PLIN3: variants seen among roughly 807,000 people sequenced by gnomAD.
The protein encoded by PLIN3 is perilipin-3.
In PLIN3, 30 loss-of-function variants were observed where a neutral mutation model predicts 35.9. The ratio of observed to expected loss-of-function variants is 0.84; its 90% CI spans 0.62 to 1.13. The LOEUF (loss-of-function observed/expected upper bound fraction) is 1.13, where lower values mean the gene tolerates loss of function less well. Among genes scored for constraint, PLIN3 ranks in the 50% most tolerant of loss-of-function variants. The pLI, the probability that PLIN3 is intolerant of heterozygous loss-of-function variation, is 0.00. For missense variants in PLIN3, 603 were observed against 596.9 expected (o/e 1.01, Z -0.11); for synonymous variants, 261 against 262.5 (o/e 0.99, Z 0.06).
At chr19:4,842,678 G>A (rs1459147939) in intron 7 of PLIN3, among the ~76,000 whole-genome samples, 1 of 151,130 alleles carries the variant, frequency 6.6e-6, no homozygotes, top group Admixed American at 6.7e-5. Context: ...GGAGGACTCT[G>A]GACTTGAGCG....
intron 4 of PLIN3, among the ~76,000 whole-genome samples, chr19:4,857,437 G>A (rs772991866): frequency 2.6e-5 from 4 of 151,994 alleles, no homozygotes; most frequent in Non-Finnish European, 4.4e-5. Flanking sequence ...GCATGGTGGT[G>A]CATGCCTGTG....
intron 7 of PLIN3, among the ~76,000 whole-genome samples, chr19:4,839,965 C>CTTTTTT (rs1212445249): frequency 1.6e-5 from 2 of 124,412 alleles, no homozygotes; most frequent in East Asian, 2.2e-4. Flanking sequence ...GTGCCCGGCC[C>CTTTTTT]TTTTTTTTTT....
chr19:4,838,907 A>G lies in PLIN3; in HGVS notation c.*285T>C. The stretch of plus-strand genomic sequence containing the variant: ...ATATTCCTGATATTTAACAAGGAAA[A>G]AAAATTCTGCAGGGGAGAACTTTCC... On this transcript the variant is annotated 3_prime_UTR_variant, in exon 8 of 8. Transcript: ENST00000221957. 1 of 275,980 alleles carries G rather than the reference A, an allele frequency of 3.6e-6. No homozygotes were observed. The highest frequency in any genetic ancestry group is 6.8e-6 in the Non-Finnish European group (1 of 147,884). The allele number at this position is 275,980 out of a possible 1,614,324, so 17.1% of individuals were successfully genotyped here. A position where few individuals can be genotyped will look rare whatever the true frequency, so the allele number is the denominator to read the frequency against.
intron 7 of PLIN3, among the ~76,000 whole-genome samples, chr19:4,842,553 T>C (rs868550557): frequency 1.5e-5 from 2 of 130,932 alleles, no homozygotes; most frequent in South Asian, 4.9e-4. Flanking sequence ...TGAGCCGAGA[T>C]CATGACATTG....
intron 4 of PLIN3, among the ~76,000 whole-genome samples, chr19:4,854,507 G>A (rs904904780): frequency 5.9e-5 from 9 of 152,058 alleles, no homozygotes; most frequent in South Asian, 2.1e-4. Context: ...AGGTTCAAGC[G>A]GTTCTCCTGC....
chr19:4,846,083 C>T (rs1209556410), intron 6 of PLIN3, among the ~76,000 whole-genome samples: 1 of 151,832 alleles, frequency 6.6e-6, no homozygotes, highest in Non-Finnish European at 1.5e-5. Context: ...GAAAATTAGC[C>T]AGGCATGGTG....
intron 6 of PLIN3, among the ~76,000 whole-genome samples, chr19:4,846,180 C>A (rs1034175741): frequency 6.6e-6 from 1 of 151,682 alleles, no homozygotes; most frequent in Middle Eastern, 3.4e-3. Flanking sequence ...GAGCTGAGAT[C>A]GCGCCACAAA....
Position 4,859,669 on chromosome 19 carries a change from G to C in PLIN3, c.269C>G (p.Ala90Gly), listed in dbSNP as rs1308071705. The change falls in exon 4 of 8, where the codon GCA (alanine) becomes GGA (glycine). Residue 90 changes from alanine to glycine, a missense_variant. Transcript: ENST00000221957. ...PILSKLEPQI[A>G]SASEYAHRGL... ...CCTGTGGGCGTATTCGCTGGCTGATGCAACTGCCAACAACAATTAAGACGC... is the reference window on the plus strand; with the variant it reads ...CCTGTGGGCGTATTCGCTGGCTGATCCAACTGCCAACAACAATTAAGACGC... The C allele has an allele frequency of 6.2e-7, 1 of 1,614,022 alleles. No individual in the cohort carries two copies. Among genetic ancestry groups the C allele is most frequent in the Admixed American group, 1.7e-5 (1 of 59,990 alleles).
chr19:4,844,592 C>T, intron 7 of PLIN3, 76 bp downstream of exon 7: 1 of 1,415,754 alleles, frequency 7.1e-7, no homozygotes, highest in South Asian at 1.5e-5. Context: ...GCAGGTAGGC[C>T]CATGAAGCAG....
chr19:4,864,098 A>AGT lies in PLIN3; in HGVS notation c.-17-2689_-17-2688dup, dbSNP rs71170861. On this transcript the variant is annotated intron_variant, in intron 1 of 7. Coordinates refer to ENST00000221957, the MANE Select transcript of PLIN3 (RefSeq NM_005817.5). The stretch of plus-strand genomic sequence containing the variant: ...CAGGCACGCACCACCACACCTGGCT[A>AGT]GTGTGTGTGTGTGTGTGTGTGTGTG... Among the ~76,000 whole-genome samples, 585 of 125,352 alleles carry AGT rather than the reference A, an allele frequency of 4.7e-3. 2 individuals are homozygous for AGT. Among genetic ancestry groups the AGT allele is most frequent in the Non-Finnish European group, 5.4e-3 (334 of 61,906 alleles). 82.2% of individuals were successfully genotyped at this position (125,352 alleles called of 152,430 possible).
intron 4 of PLIN3, among the ~76,000 whole-genome samples, chr19:4,856,250 C>G (rs1290458569): frequency 1.3e-5 from 2 of 152,070 alleles, no homozygotes; most frequent in Admixed American, 6.6e-5. Flanking sequence ...GGACATGGAG[C>G]ACCTGAATAC....
At chr19:4,851,263 G>T (rs2030280407) in intron 5 of PLIN3, among the ~76,000 whole-genome samples, 1 of 152,028 alleles carries the variant, frequency 6.6e-6, no homozygotes, top group African/African-American at 2.4e-5. Flanking sequence ...TCAGGAGTTC[G>T]AGACCAGCCT....
intron 4 of PLIN3, among the ~76,000 whole-genome samples, chr19:4,858,091 G>C (rs932821386): frequency 6.6e-6 from 1 of 151,632 alleles, no homozygotes; most frequent in Non-Finnish European, 1.5e-5. Context: ...TGGCCAACTT[G>C]GTGAAACCCC....
At position 4,839,194 on chromosome 19, in the gene PLIN3, ACTT is replaced by A. The variant is rs779037366; in HGVS notation, c.1300_1302del (p.Lys434del). 33 of 1,598,426 alleles carry A rather than the reference ACTT, an allele frequency of 2.1e-5. No individual in the cohort carries two copies. The East Asian group carries it at 2.9e-4, about 14-fold the overall frequency. ...CCGCTGAGTCCTCTCCTCTCCCCCT[ACTT>A]CTTCTCCTCCGGGGCTTTCTCAGTG... On this transcript the variant is annotated inframe_deletion, in exon 8 of 8. Transcript: ENST00000221957.
At chr19:4,849,234 A>G (rs143560123) in intron 5 of PLIN3, among the ~76,000 whole-genome samples, 145 of 152,010 alleles carry the variant, frequency 9.5e-4, no homozygotes, top group Middle Eastern at 3.4e-3. Context: ...CAGACTCCCA[A>G]AGTGCTAGGT....
intron 4 of PLIN3, among the ~76,000 whole-genome samples, chr19:4,853,529 T>A (rs2030373835): frequency 6.6e-6 from 1 of 151,980 alleles, no homozygotes; most frequent in South Asian, 2.1e-4. Context: ...TTCACCATGT[T>A]GGCCAGGCTG....
chr19:4,861,044 C>T (rs1460673937), intron 2 of PLIN3, among the ~76,000 whole-genome samples: 1 of 152,128 alleles, frequency 6.6e-6, no homozygotes, highest in Admixed American at 6.6e-5. Flanking sequence ...TAGGACGTCC[C>T]TGAGAGAGCC....
Position 4,839,493 on chromosome 19 carries a change from T to G in PLIN3, c.1004A>C (p.Gln335Pro). The change falls in exon 8 of 8, where the codon CAG becomes CCG. Residue 335 changes from glutamine to proline, a missense_variant. By Grantham distance (76) the Gln-to-Pro change is moderately conservative. Transcript: ENST00000221957. ...GGAGGTACAGGTGGCCTGCAGTTGC[T>G]GGGCAATGTCCCGGAACATGGTGAG... ...RALTMFRDIA[Q>P]QLQATCTSLG... 6.5e-7 allele frequency: 1 copy of G among 1,547,744 alleles called. No individual in the cohort carries two copies. The highest frequency in any genetic ancestry group is 1.4e-5 in the African/African-American group (1 of 73,528).
chr19:4,848,486 G>A (rs1403507035), intron 5 of PLIN3, among the ~76,000 whole-genome samples: 2 of 152,184 alleles, frequency 1.3e-5, no homozygotes, highest in Admixed American at 6.6e-5. Context: ...GTGAATATAG[G>A]CCTGAATGTT....
Sources: allele counts gnomAD v4.1 joint callset (sites outside exome capture counted in the v4.1 genomes callset), GRCh38; gene constraint gnomAD v4.1.1; transcripts MANE v1.5; gene names NCBI Gene and HGNC (gene_info 2026-07-23, HGNC 2026-07-21).